PRR5L: variants seen among roughly 807,000 people sequenced by gnomAD.
PRR5L encodes the protein proline rich 5 like, also known as proline-rich protein 5-like.
In PRR5L, 21 loss-of-function variants were observed where a neutral mutation model predicts 36.4. The observed-to-expected ratio is 0.58, with a 90% confidence interval of 0.41 to 0.83. PRR5L has a LOEUF of 0.83. Ranked by LOEUF, PRR5L falls within the 40% of genes least tolerant of loss-of-function variation. PRR5L has a pLI of 0.00. For missense variants in PRR5L, 381 were observed against 473.3 expected (o/e 0.80, Z 1.81); for synonymous variants, 188 against 197.0 (o/e 0.95, Z 0.38).
At chr11:36,405,259 G>A (rs900039033) in intron 3 of PRR5L, among the ~76,000 whole-genome samples, 1 of 152,110 alleles carries the variant, frequency 6.6e-6, no homozygotes, top group Admixed American at 6.6e-5. Flanking sequence ...GGATTACCCT[G>A]GTAGAACACA....
chr11:36,336,275 C>CTAGA (rs1351242413), intron 1 of PRR5L, among the ~76,000 whole-genome samples: 1 of 152,188 alleles, frequency 6.6e-6, no homozygotes, highest in Admixed American at 6.5e-5. Flanking sequence ...GTTGCCCAGG[C>CTAGA]TAGAGTGCAG....
intron 1 of PRR5L, among the ~76,000 whole-genome samples, chr11:36,296,968 C>T (rs1856317982): frequency 6.6e-6 from 1 of 152,130 alleles, no homozygotes; most frequent in Admixed American, 6.5e-5. Context: ...CAATATTTCA[C>T]TTTGAGAGGC....
chr11:36,369,004 A>G (rs565108629), intron 1 of PRR5L, among the ~76,000 whole-genome samples: 1 of 152,326 alleles, frequency 6.6e-6, no homozygotes, highest in East Asian at 1.9e-4. Context: ...ATGCTCAGGA[A>G]AGAAGTCGAA....
chr11:36,326,395 C>A (rs1309726493), intron 1 of PRR5L, among the ~76,000 whole-genome samples: 2 of 150,968 alleles, frequency 1.3e-5, no homozygotes, highest in Non-Finnish European at 2.9e-5. Context: ...TGATTCAATT[C>A]TAACTGGATC....
chr11:36,376,513 G>A, intron 1 of PRR5L: 1 of 1,037,140 alleles, frequency 9.6e-7, no homozygotes, highest in African/African-American at 1.7e-5. Flanking sequence ...GCTGGGGGAG[G>A]AGGGAGGGAC....
At chr11:36,398,188 C>T (rs776724573) in intron 1 of PRR5L, among the ~76,000 whole-genome samples, 5 of 152,168 alleles carry the variant, frequency 3.3e-5, no homozygotes, top group East Asian at 3.8e-4. Flanking sequence ...AAACAGGTGT[C>T]GGGGAATAGC....
At chr11:36,299,343 A>G (rs1467881654) in intron 1 of PRR5L, among the ~76,000 whole-genome samples, 1 of 151,948 alleles carries the variant, frequency 6.6e-6, no homozygotes, top group Non-Finnish European at 1.5e-5. Context: ...TTGGAGGCCA[A>G]TCTTGGAGGG....
chr11:36,377,436 G>A lies in PRR5L; in HGVS notation c.-125-23561G>A, dbSNP rs566381979. On this transcript the variant is annotated intron_variant, in intron 1 of 8. Transcript: ENST00000530639. The surrounding 1 kb of genome is among the most constrained non-coding windows in gnomAD (Gnocchi z 5.1). ...GCTTTCCTCTGCGCGCTTACTGTGC[G>A]CGCATGCCGGGCTCGCTGCACGCAG... 3.6e-4 allele frequency: 55 copies of A among 152,360 alleles called. No homozygotes were observed. The highest frequency in any genetic ancestry group is 1.3e-3 in the African/African-American group (52 of 41,576). 9.4% of individuals were successfully genotyped at this position (152,360 alleles called of 1,614,324 possible). A position where few individuals can be genotyped will look rare whatever the true frequency, so the allele number is the denominator to read the frequency against.
chr11:36,387,864 C>G (rs368463607), intron 1 of PRR5L, among the ~76,000 whole-genome samples: 1 of 152,172 alleles, frequency 6.6e-6, no homozygotes, highest in Non-Finnish European at 1.5e-5. Flanking sequence ...TGCTGGTTGG[C>G]CTGGTGAATT....
At chr11:36,401,398 G>C in intron 2 of PRR5L, 113 bp downstream of exon 2, 2 of 1,036,260 alleles carry the variant, frequency 1.9e-6, no homozygotes, top group Non-Finnish European at 2.8e-6. Context: ...GTGATTATGG[G>C]GGTAAATAAT....
At chr11:36,359,595 C>T (rs551180868) in intron 1 of PRR5L, among the ~76,000 whole-genome samples, 7 of 152,230 alleles carry the variant, frequency 4.6e-5, no homozygotes, top group South Asian at 2.1e-4. Context: ...TTCATTAAAA[C>T]GTAGAAAATA....
Position 36,377,441 on chromosome 11 carries a change from T to A in PRR5L, c.-125-23556T>A, listed in dbSNP as rs1296546671. 6.6e-6 allele frequency: 1 copy of A among 152,240 alleles called. No homozygotes were observed. Among genetic ancestry groups the A allele is most frequent in the Non-Finnish European group, 1.5e-5 (1 of 68,066 alleles). 9.4% of individuals were successfully genotyped at this position (152,240 alleles called of 1,614,324 possible). A position where few individuals can be genotyped will look rare whatever the true frequency, so the allele number is the denominator to read the frequency against. On this transcript the variant is annotated intron_variant, in intron 1 of 8. Coordinates refer to ENST00000530639, the MANE Select transcript of PRR5L (RefSeq NM_001160167.2). The surrounding 1 kb of genome is among the most constrained non-coding windows in gnomAD (Gnocchi z 5.1). ...CCTCTGCGCGCTTACTGTGCGCGCA[T>A]GCCGGGCTCGCTGCACGCAGGGGGC...
intron 6 of PRR5L, among the ~76,000 whole-genome samples, chr11:36,442,861 T>G (rs1266359710): frequency 1.3e-5 from 2 of 152,204 alleles, no homozygotes; most frequent in Non-Finnish European, 2.9e-5. Flanking sequence ...ACCATTTAAC[T>G]AGTCTCAAAG....
At chr11:36,341,141 G>A (rs1043047761) in intron 1 of PRR5L, among the ~76,000 whole-genome samples, 1 of 152,138 alleles carries the variant, frequency 6.6e-6, no homozygotes, top group Non-Finnish European at 1.5e-5. Flanking sequence ...CAATATCCAC[G>A]GTGGTCGCCC....
At chr11:36,330,452 T>A (rs1417089709) in intron 1 of PRR5L, among the ~76,000 whole-genome samples, 1 of 151,904 alleles carries the variant, frequency 6.6e-6, no homozygotes, top group Non-Finnish European at 1.5e-5. Flanking sequence ...AGTGGTATAA[T>A]CATCAAGTTA....
intron 3 of PRR5L, among the ~76,000 whole-genome samples, chr11:36,406,760 T>C (rs901714928): frequency 3.9e-5 from 6 of 152,198 alleles, no homozygotes; most frequent in Non-Finnish European, 2.9e-5. Context: ...GAAAGAGATG[T>C]GCAAACAGAG....
intron 8 of PRR5L, among the ~76,000 whole-genome samples, chr11:36,455,619 C>T (rs1014459471): frequency 1.3e-5 from 2 of 152,194 alleles, no homozygotes; most frequent in Non-Finnish European, 2.9e-5. Flanking sequence ...GGGGTACCCA[C>T]AGGGTAATCA....
At chr11:36,405,292 T>G (rs1003903405) in intron 3 of PRR5L, among the ~76,000 whole-genome samples, 5 of 152,228 alleles carry the variant, frequency 3.3e-5, no homozygotes, top group Admixed American at 2.0e-4. Flanking sequence ...CATCTCTTAT[T>G]TTTCAAGAAG....
intron 1 of PRR5L, among the ~76,000 whole-genome samples, chr11:36,334,256 T>C (rs879347557): frequency 3.3e-5 from 5 of 152,164 alleles, no homozygotes; most frequent in Non-Finnish European, 4.4e-5. Flanking sequence ...AAAGGAAAAA[T>C]GGATACTGAG....
Sources: allele counts gnomAD v4.1 joint callset (sites outside exome capture counted in the v4.1 genomes callset), GRCh38; gene constraint gnomAD v4.1.1; non-coding constraint Gnocchi (gnomAD v3.1); transcripts MANE v1.5; gene names NCBI Gene and HGNC (gene_info 2026-07-23, HGNC 2026-07-21).